RUNX1: variants seen among roughly 807,000 people sequenced by gnomAD.
RUNX1 encodes the protein runt-related transcription factor 1.
Under a neutral mutation model 42.8 loss-of-function variants are expected in RUNX1, and 19 were observed. The ratio of observed to expected loss-of-function variants is 0.44; its 90% CI spans 0.31 to 0.65. The LOEUF (loss-of-function observed/expected upper bound fraction) is 0.65, where lower values mean the gene tolerates loss of function less well. Ranked by LOEUF, RUNX1 falls within the 30% of genes least tolerant of loss-of-function variation. The pLI, the probability that RUNX1 is intolerant of heterozygous loss-of-function variation, is 0.07. For missense variants in RUNX1, 528 were observed against 672.0 expected, an observed-to-expected ratio of 0.79 and a Z score of 2.37; for synonymous variants, 271 against 289.4, an observed-to-expected ratio of 0.94 and a Z score of 0.64.
intron 7 of RUNX1, among the ~76,000 whole-genome samples, chr21:34,810,480 A>T (rs116712777): frequency 0.014 from 2,176 of 152,270 alleles, 20 homozygotes; most frequent in African/African-American, 0.028. Flanking sequence ...GGCCCCAAAC[A>T]TTTTCAGGAT....
At chr21:34,855,175 C>T (rs1186001664) in intron 6 of RUNX1, among the ~76,000 whole-genome samples, 2 of 152,132 alleles carry the variant, frequency 1.3e-5, no homozygotes, top group Non-Finnish European at 2.9e-5. Context: ...CCAGGACCAG[C>T]CCCCCAAGAC....
At position 34,792,300 on chromosome 21, in the gene RUNX1, C is replaced by CGGGGGGGGGG; in HGVS notation, c.1277_1278insCCCCCCCCCC (p.Arg427ProfsTer176). On this transcript the variant is annotated frameshift_variant, in exon 9 of 9. Transcript: ENST00000675419. LOFTEE classifies it high-confidence loss of function. This position sits in a 1 kb window ranked among gnomAD's most constrained non-coding sequence, Gnocchi z 6.9. ...CGTTGGTGCAGGGCGGCAGGATGCG[C>CGGGGGGGGGG]GGCGGCGAGCGCTCGCCGCCCACCA... is the stretch of plus-strand genomic sequence containing the variant. The CGGGGGGGGGG allele has an allele frequency of 1.3e-6, 2 of 1,534,608 alleles. No homozygotes were observed. The highest frequency in any genetic ancestry group is 8.8e-7 in the Non-Finnish European group (1 of 1,141,254).
chr21:34,945,105 A>G (rs2058554820), intron 2 of RUNX1, among the ~76,000 whole-genome samples: 2 of 152,238 alleles, frequency 1.3e-5, no homozygotes, highest in Admixed American at 1.3e-4. Context: ...TAATTTGCCA[A>G]AAATATTTGT....
chr21:34,902,417 T>G (rs913070499), intron 2 of RUNX1, among the ~76,000 whole-genome samples: 1 of 152,176 alleles, frequency 6.6e-6, no homozygotes, highest in African/African-American at 2.4e-5. Context: ...CAAAGCTGGC[T>G]GAAACAGCAA....
At chr21:34,981,867 T>A (rs951884785) in intron 2 of RUNX1, among the ~76,000 whole-genome samples, 1 of 152,202 alleles carries the variant, frequency 6.6e-6, no homozygotes, top group Admixed American at 6.5e-5. Context: ...TCTTTCTGTA[T>A]CTGTAGGTCA....
At chr21:34,982,611 C>G (rs1326510608) in intron 2 of RUNX1, among the ~76,000 whole-genome samples, 1 of 152,052 alleles carries the variant, frequency 6.6e-6, no homozygotes, top group Non-Finnish European at 1.5e-5. Flanking sequence ...ACTCTGTCAC[C>G]CAGGCTGGAG....
At chr21:34,877,233 G>A (rs375041714) in intron 5 of RUNX1, among the ~76,000 whole-genome samples, 623 of 152,290 alleles carry the variant, frequency 4.1e-3, no homozygotes, top group Middle Eastern at 0.01. Flanking sequence ...AAAGGTGGCA[G>A]GTGATGTAGC....
intron 7 of RUNX1, among the ~76,000 whole-genome samples, chr21:34,812,285 T>A (rs1048956377): frequency 1.3e-5 from 2 of 152,224 alleles, no homozygotes; most frequent in African/African-American, 4.8e-5. Flanking sequence ...GGGAATTTGT[T>A]CACTTAAGTT....
chr21:34,889,312 T>C (rs1176171612), intron 3 of RUNX1, among the ~76,000 whole-genome samples: 1 of 152,074 alleles, frequency 6.6e-6, no homozygotes, highest in Non-Finnish European at 1.5e-5. Flanking sequence ...GCTGATTCCT[T>C]GCATGAGGCC....
At chr21:34,939,016 T>G (rs2058507100) in intron 2 of RUNX1, among the ~76,000 whole-genome samples, 1 of 152,206 alleles carries the variant, frequency 6.6e-6, no homozygotes, top group African/African-American at 2.4e-5. Flanking sequence ...TTTTAAATGT[T>G]CCCTTCACAA....
At chr21:34,912,502 G>A (rs758279351) in intron 2 of RUNX1, among the ~76,000 whole-genome samples, 4 of 152,008 alleles carry the variant, frequency 2.6e-5, no homozygotes, top group South Asian at 2.1e-4. Flanking sequence ...ATATTGCACC[G>A]ATGTTTTGGT....
intron 2 of RUNX1, among the ~76,000 whole-genome samples, chr21:35,011,251 T>C (rs936668729): frequency 6.6e-6 from 1 of 152,168 alleles, no homozygotes; most frequent in Non-Finnish European, 1.5e-5. Context: ...AGTTCAGGAA[T>C]AGTGAAGATG....
chr21:35,000,011 G>A (rs1313312066), intron 2 of RUNX1, among the ~76,000 whole-genome samples: 2 of 151,932 alleles, frequency 1.3e-5, no homozygotes, highest in Non-Finnish European at 2.9e-5. Flanking sequence ...TATAATATTT[G>A]ACTTTTACAC....
intron 8 of RUNX1, among the ~76,000 whole-genome samples, chr21:34,793,871 T>C (rs1279595611): frequency 6.6e-6 from 1 of 151,768 alleles, no homozygotes; most frequent in Non-Finnish European, 1.5e-5. Context: ...GCCTGGCCAA[T>C]TTTTGTATTT....
chr21:35,002,102 T>A (rs2146878944), intron 2 of RUNX1, among the ~76,000 whole-genome samples: 1 of 151,940 alleles, frequency 6.6e-6, no homozygotes, highest in East Asian at 1.9e-4. Context: ...CCCATCAAAA[T>A]CCCAATATTA....
Position 35,021,618 on chromosome 21 carries a change from T to C in RUNX1, c.58+27224A>G, listed in dbSNP as rs59175281. Among the ~76,000 whole-genome samples, 27 of 152,356 alleles carry C rather than the reference T, an allele frequency of 1.8e-4. No individual in the cohort carries two copies. In the East Asian group the frequency reaches 5.0e-3, roughly 28 times the overall value. ...AATGAAGAAGTAAATACCAGCATTT[T>C]GCTTGTAGAGTTGAGTTGGAGAAAG... On this transcript the variant is annotated intron_variant, in intron 2 of 8. Transcript: ENST00000675419.
Position 34,791,307 on chromosome 21 carries a change from A to G in RUNX1, c.*828T>C, listed in dbSNP as rs1018101293. 2 of 232,108 alleles carry G rather than the reference A, an allele frequency of 8.6e-6. No individual in the cohort carries two copies. Among genetic ancestry groups the G allele is most frequent in the African/African-American group, 2.2e-5 (1 of 45,278 alleles). The allele number at this position is 232,108 out of a possible 1,614,324, so 14.4% of individuals were successfully genotyped here. On this transcript the variant is annotated 3_prime_UTR_variant, in exon 9 of 9. Transcript: ENST00000675419. ...TGTAGTACTTGATATTTTTCTTAAT[A>G]TAAGTACATTTAAATAATTAAAAAA...
Position 34,993,681 on chromosome 21 carries a change from A to C in RUNX1, c.58+55161T>G, listed in dbSNP as rs578124038. On this transcript the variant is annotated intron_variant, in intron 2 of 8. Transcript: ENST00000675419. The stretch of plus-strand genomic sequence containing the variant: ...CAGACACACAGAGACACACACACAG[A>C]CACACACACAGGCGCACACACACAC... Among the ~76,000 whole-genome samples the C allele has an allele frequency of 8.4e-5, 12 of 143,262 alleles. No homozygotes were observed. In the South Asian group the frequency reaches 2.6e-3, roughly 31 times the overall value. 94.0% of individuals were successfully genotyped at this position (143,262 alleles called of 152,430 possible).
chr21:34,939,359 T>C (rs2058509838), intron 2 of RUNX1, among the ~76,000 whole-genome samples: 1 of 152,364 alleles, frequency 6.6e-6, no homozygotes, highest in Admixed American at 6.5e-5. Flanking sequence ...CAATTGACGA[T>C]GCAGTCATTT....
Sources: gnomAD v4.1 joint callset for allele counts (sites outside exome capture counted in the v4.1 genomes callset) on GRCh38, gnomAD v4.1.1 for gene constraint, Gnocchi (gnomAD v3.1) non-coding constraint, MANE v1.5 for transcripts, NCBI Gene and HGNC (gene_info 2026-07-23, HGNC 2026-07-21) for gene names.